The following NIBAN2 variants were observed in gnomAD, a reference collection of about 807,000 sequenced individuals.
NIBAN2 encodes the protein protein Niban 2.
A neutral mutation model predicts 81.8 loss-of-function variants in NIBAN2; 36 were observed. That is an observed-to-expected ratio of 0.44 (90% CI 0.34 to 0.58). The LOEUF (loss-of-function observed/expected upper bound fraction) is 0.58. Among genes scored for constraint, NIBAN2 ranks in the 20% least tolerant of loss-of-function variants. The pLI, the probability that NIBAN2 is intolerant of heterozygous loss-of-function variation, is 0.02. For synonymous variants in NIBAN2, 445 were observed against 441.6 expected (o/e 1.01, Z -0.10); for missense variants, 897 against 1,014.1 (o/e 0.88, Z 1.57).
In NIBAN2 at chr9:127,517,068, A is replaced by G. The variant is rs192701846; in HGVS notation, c.810+44T>C. The G allele has an allele frequency of 3.1e-3, 4,944 of 1,610,290 alleles. 15 individuals carry two copies. The highest frequency in any genetic ancestry group is 3.9e-3 in the Non-Finnish European group (4,650 of 1,177,418). ...GCACCAGGGCTGAGGGCACCGCACC[A>G]GCTGCAGGTCCCGTCCCCGCTCCAG... On this transcript the variant is annotated intron_variant, in intron 7 of 13. Transcript: ENST00000373312. The surrounding 1 kb of genome is among the most constrained non-coding windows in gnomAD (Gnocchi z 4.0).
At chr9:127,512,348 C>T (rs1046226587) in intron 8 of NIBAN2, among the ~76,000 whole-genome samples, 2 of 149,892 alleles carry the variant, frequency 1.3e-5, no homozygotes, top group African/African-American at 2.5e-5. Flanking sequence ...TATAGTGGCT[C>T]GATCTCGGCT....
intron 1 of NIBAN2, 55 bp from the exon 2 acceptor site, chr9:127,531,833 C>T (rs889639525): frequency 4.4e-6 from 7 of 1,606,704 alleles, no homozygotes; most frequent in Middle Eastern, 1.7e-4. Flanking sequence ...TGATGCATCA[C>T]GATCCTTCCC....
intron 1 of NIBAN2, among the ~76,000 whole-genome samples, chr9:127,556,859 T>C (rs1837681433): frequency 6.6e-6 from 1 of 152,108 alleles, no homozygotes; most frequent in Non-Finnish European, 1.5e-5. Context: ...GAGGATGGCT[T>C]AGCTCAGGAG....
chr9:127,556,941 G>T (rs979173418), intron 1 of NIBAN2, among the ~76,000 whole-genome samples: 1 of 152,194 alleles, frequency 6.6e-6, no homozygotes, highest in African/African-American at 2.4e-5. Flanking sequence ...GCCCCATGTG[G>T]TGGTGCACAC....
At position 127,507,006 on chromosome 9, in the gene NIBAN2, G is replaced by A. The variant is rs1836611869; in HGVS notation, c.2080C>T (p.Pro694Ser). ...AGGAGATGCTGGAGGGGTGAGGCAG[G>A]CGGCGAGGAGGCCTCGGGGGCGGCC... ...PKAAPEASSP[P>S]ASPLQHLLPG... The change falls in exon 14 of 14, where the codon CCT becomes TCT. Residue 694 changes from proline to serine, a missense_variant. Pro to Ser is a moderately conservative substitution (Grantham distance 74, BLOSUM62 -1). Coordinates refer to ENST00000373312, the MANE Select transcript of NIBAN2 (RefSeq NM_022833.4). This position sits in a 1 kb window ranked among gnomAD's most constrained non-coding sequence, Gnocchi z 6.8. 6.3e-7 allele frequency: 1 copy of A among 1,594,562 alleles called. No homozygotes were observed. The highest frequency in any genetic ancestry group is 8.6e-7 in the Non-Finnish European group (1 of 1,169,368).
At position 127,563,613 on chromosome 9, in the gene NIBAN2, C is replaced by T. The variant is rs2132236939; in HGVS notation, c.55+5207G>A. ...TCTCGTCTCACTGCAACCTCCACCT[C>T]CCGGGTTCAAGCGATTCTTGTGCCG... On this transcript the variant is annotated intron_variant, in intron 1 of 13. Transcript: ENST00000373312. This position sits in a 1 kb window ranked among gnomAD's most constrained non-coding sequence, Gnocchi z 4.1. 6.6e-6 allele frequency among the ~76,000 whole-genome samples: 1 copy of T among 152,066 alleles called. No homozygotes were observed. The highest frequency in any genetic ancestry group is 2.1e-4 in the South Asian group (1 of 4,818).
At chr9:127,533,180 G>C (rs770232549) in intron 1 of NIBAN2, among the ~76,000 whole-genome samples, 13 of 151,642 alleles carry the variant, frequency 8.6e-5, no homozygotes, top group Non-Finnish European at 1.5e-4. Flanking sequence ...CAAAAGGCTG[G>C]GCACGGTGGC....
chr9:127,510,028 C>T lies in NIBAN2; in HGVS notation c.1161+118G>A, dbSNP rs937003636. The T allele has an allele frequency of 1.0e-5, 10 of 961,836 alleles. 1 individual carries two copies. Among genetic ancestry groups the T allele is most frequent in the Middle Eastern group, 2.4e-4 (1 of 4,098 alleles). 59.6% of individuals were successfully genotyped at this position (961,836 alleles called of 1,614,324 possible). A position where few individuals can be genotyped will look rare whatever the true frequency, so the allele number is the denominator to read the frequency against. ...CCCCTAGTCCCCAGCAGCCCCTCCCCGTCTACAGGGACGGCCTTGGAGGGG... is the reference window on the plus strand; with the variant it reads ...CCCCTAGTCCCCAGCAGCCCCTCCCTGTCTACAGGGACGGCCTTGGAGGGG... On this transcript the variant is annotated intron_variant, in intron 9 of 13. Coordinates refer to ENST00000373312, the MANE Select transcript of NIBAN2 (RefSeq NM_022833.4).
intron 3 of NIBAN2, among the ~76,000 whole-genome samples, chr9:127,526,887 C>T (rs924080909): frequency 6.6e-6 from 1 of 152,066 alleles, no homozygotes; most frequent in East Asian, 1.9e-4. Flanking sequence ...AGGAGGAACG[C>T]CCTGGAGCCA....
Position 127,510,308 on chromosome 9 carries a change from C to T in NIBAN2, c.999G>A (p.Val333=), listed in dbSNP as rs1222218355. The change falls in exon 9 of 14, where the codon GTG becomes GTA. Residue 333 remains valine, a synonymous_variant. Coordinates refer to ENST00000373312, the MANE Select transcript of NIBAN2 (RefSeq NM_022833.4). ...IRAFILPKAE[V]CVRNHVQPYI... ...AGGGCTGGACATGGTTCCGCACGCA[C>T]ACCTCTGCCTTGGGGAGGATGAAGG... 6.2e-7 allele frequency: 1 copy of T among 1,612,888 alleles called. No homozygotes were observed. The highest frequency in any genetic ancestry group is 1.3e-5 in the African/African-American group (1 of 74,928).
rs774480906 is a variant in NIBAN2, at chr9:127,510,318, T to C, written c.989A>G (p.Lys330Arg). The C allele has an allele frequency of 2.0e-5, 32 of 1,607,280 alleles. No individual in the cohort carries two copies. The highest frequency in any genetic ancestry group is 2.7e-5 in the African/African-American group (2 of 74,834). ...ASKIRAFILPKAEVCVRNHVQ... is the reference protein window; with the variant it reads ...ASKIRAFILPRAEVCVRNHVQ... Reference sequence around the variant, plus strand: ...ATGGTTCCGCACGCACACCTCTGCCTTGGGGAGGATGAAGGCTGTGCCCCG... The same window carrying C: ...ATGGTTCCGCACGCACACCTCTGCCCTGGGGAGGATGAAGGCTGTGCCCCG... Residue 330 changes from lysine (K) to arginine (R), a missense_variant, in exon 9 of 14, where the codon AAG becomes AGG. By Grantham distance (26) the Lys-to-Arg change is conservative (BLOSUM62 2). Around this residue, in one of 3 missense-constraint regions of NIBAN2, gnomAD observed 619 missense variants for 691.0 expected, o/e 0.90. Transcript: ENST00000373312.
chr9:127,530,012 G>T (rs1207287228), intron 2 of NIBAN2, among the ~76,000 whole-genome samples: 1 of 152,216 alleles, frequency 6.6e-6, no homozygotes, highest in Non-Finnish European at 1.5e-5. Context: ...CACGCCCTCA[G>T]CCAGTGCCCA....
chr9:127,547,204 T>C (rs1837486816), intron 1 of NIBAN2, among the ~76,000 whole-genome samples: 1 of 152,300 alleles, frequency 6.6e-6, no homozygotes, highest in South Asian at 2.1e-4. Flanking sequence ...CAATTCTCTC[T>C]GAACCTCTGT....
chr9:127,509,191 C>A lies in NIBAN2; in HGVS notation c.1162-60G>T, dbSNP rs975908582. ...CCGCCCTGTGGCCAGGCAGCACCCC[C>A]CACACACTTTGCCTGGGTCCTCGAA... On this transcript the variant is annotated intron_variant, in intron 9 of 13. Transcript: ENST00000373312. The A allele has an allele frequency of 4.0e-6, 6 of 1,506,042 alleles. No homozygotes were observed. The African/African-American group carries it at 6.9e-5, about 17-fold the overall frequency. 93.3% of individuals were successfully genotyped at this position (1,506,042 alleles called of 1,614,324 possible). A position where few individuals can be genotyped will look rare whatever the true frequency, so the allele number is the denominator to read the frequency against.
chr9:127,523,193 ATATATATATAT>A (rs1422815204), intron 5 of NIBAN2, among the ~76,000 whole-genome samples: 10 of 7,994 alleles, frequency 1.3e-3, no homozygotes, highest in East Asian at 8.6e-3. Context: ...AAAAAAAAAA[ATATATATATAT>A]ATATATATAT....
chr9:127,556,387 C>T (rs1564317434), intron 1 of NIBAN2, among the ~76,000 whole-genome samples: 1 of 152,164 alleles, frequency 6.6e-6, no homozygotes, highest in African/African-American at 2.4e-5. Context: ...ACACATTCTG[C>T]ACCTACCAGG....
At position 127,517,076 on chromosome 9, in the gene NIBAN2, G is replaced by C; in HGVS notation, c.810+36C>G. 1 of 1,610,748 alleles carries C rather than the reference G, an allele frequency of 6.2e-7. No individual in the cohort carries two copies. The highest frequency in any genetic ancestry group is 1.3e-5 in the African/African-American group (1 of 74,984). On this transcript the variant is annotated intron_variant, in intron 7 of 13. Transcript: ENST00000373312. This position sits in a 1 kb window ranked among gnomAD's most constrained non-coding sequence, Gnocchi z 4.0. ...GCTGAGGGCACCGCACCAGCTGCAG[G>C]TCCCGTCCCCGCTCCAGGGCCCCAG...
At position 127,507,760 on chromosome 9, in the gene NIBAN2, T is replaced by G; in HGVS notation, c.1654+107A>C. The G allele has an allele frequency of 9.8e-7, 1 of 1,020,128 alleles. No individual in the cohort carries two copies. Among genetic ancestry groups the G allele is most frequent in the Non-Finnish European group, 1.5e-6 (1 of 656,244 alleles). 63.2% of individuals were successfully genotyped at this position (1,020,128 alleles called of 1,614,324 possible). ...GCTTCACCCAGACCCCAGGTGCAAG[T>G]CTGGGCTTTTCTTTGAGCCTTAGCT... On this transcript the variant is annotated intron_variant, in intron 13 of 13. Transcript: ENST00000373312. This position sits in a 1 kb window ranked among gnomAD's most constrained non-coding sequence, Gnocchi z 6.8.
At chr9:127,568,671 G>A (rs1837900385) in intron 1 of NIBAN2, 149 bp downstream of exon 1, 4 of 644,720 alleles carry the variant, frequency 6.2e-6, no homozygotes, top group Middle Eastern at 5.4e-4. Flanking sequence ...AACGAGCTCG[G>A]ACGCGGGGCA....
Sources: gnomAD v4.1 joint callset for allele counts (sites outside exome capture counted in the v4.1 genomes callset) on GRCh38, gnomAD v4.1.1 for gene constraint, gnomAD v4.1.1 regional missense constraint, Gnocchi (gnomAD v3.1) non-coding constraint, MANE v1.5 for transcripts, NCBI Gene and HGNC (gene_info 2026-07-23, HGNC 2026-07-21) for gene names.